Variants in PRMT8 observed in about 807,000 individuals in gnomAD.
The protein encoded by PRMT8 is protein arginine methyltransferase 8.
PRMT8 carries 7 observed loss-of-function variants against 47.1 expected under a neutral mutation model. That is an observed-to-expected ratio of 0.15 (90% CI 0.08 to 0.28). PRMT8 has a LOEUF of 0.28. Ranked by LOEUF, PRMT8 falls within the 10% of genes least tolerant of loss-of-function variation. The probability of loss-of-function intolerance (pLI) is 1.00; values close to 1 mark genes in which losing one functional copy is unlikely to be tolerated. For missense variants in PRMT8, 237 were observed against 505.4 expected, an observed-to-expected ratio of 0.47 and a Z score of 5.09; for synonymous variants, 188 against 186.5, an observed-to-expected ratio of 1.01 and a Z score of -0.07.
rs368258747 is a variant in PRMT8, at chr12:3,445,858, G to A, written c.48+64416G>A. ...GCAATGGTGGAGTAAACACCAAGGC[G>A]ATATTTACTGCGGTCAGCTGTGAGA... is the stretch of plus-strand genomic sequence containing the variant. On this transcript the variant is annotated intron_variant, in intron 1 of 9. Transcript: ENST00000452611. 2.4e-4 allele frequency among the ~76,000 whole-genome samples: 37 copies of A among 152,312 alleles called. 1 individual carries two copies. Among genetic ancestry groups the A allele is most frequent in the African/African-American group, 8.2e-4 (34 of 41,574 alleles).
chr12:3,539,255 G>A (rs999018723), intron 1 of PRMT8, among the ~76,000 whole-genome samples: 4 of 152,108 alleles, frequency 2.6e-5, no homozygotes, highest in African/African-American at 9.7e-5. Flanking sequence ...AATTTTTCAG[G>A]TAGGTTTTAT....
intron 3 of PRMT8, chr12:3,551,806 A>T (rs1416020238): frequency 6.6e-6 from 1 of 152,430 alleles, no homozygotes; most frequent in East Asian, 1.9e-4. Flanking sequence ...AGAGACAGAG[A>T]GAGAGGGAGG....
intron 1 of PRMT8, among the ~76,000 whole-genome samples, chr12:3,424,272 G>A (rs1487173846): frequency 6.6e-6 from 1 of 152,142 alleles, no homozygotes; most frequent in African/African-American, 2.4e-5. Flanking sequence ...AAGGGGATTG[G>A]TTATTACTAG....
chr12:3,531,033 C>G (rs1233466463), intron 1 of PRMT8, among the ~76,000 whole-genome samples: 2 of 152,122 alleles, frequency 1.3e-5, no homozygotes, highest in Non-Finnish European at 2.9e-5. Context: ...TGGCTGTGTG[C>G]CTACGAAGCG....
chr12:3,428,778 C>T (rs1241746360), intron 1 of PRMT8, among the ~76,000 whole-genome samples: 1 of 151,516 alleles, frequency 6.6e-6, no homozygotes, highest in Non-Finnish European at 1.5e-5. Flanking sequence ...CTTTCTCTCT[C>T]TCTCTCTTAC....
chr12:3,531,001 C>T (rs1272602837), intron 1 of PRMT8, among the ~76,000 whole-genome samples: 2 of 152,174 alleles, frequency 1.3e-5, no homozygotes, highest in African/African-American at 4.8e-5. Flanking sequence ...GAAGCAAGTC[C>T]AGAACCCACC....
rs1865455287 is a variant in PRMT8, at chr12:3,493,405, G to A, written c.75+1705G>A. 6.6e-6 allele frequency among the ~76,000 whole-genome samples: 1 copy of A among 152,060 alleles called. No individual in the cohort carries two copies. Among genetic ancestry groups the A allele is most frequent in the African/African-American group, 2.4e-5 (1 of 41,388 alleles). ...CGCTTCTGTGAAGTGTGGAGCGAGC[G>A]GGCACGTAGCGGTCTCTGCCAGGTG... On this transcript the variant is annotated intron_variant, in intron 1 of 9. Transcript: ENST00000382622. This position sits in a 1 kb window ranked among gnomAD's most constrained non-coding sequence, Gnocchi z 8.2.
intron 1 of PRMT8, among the ~76,000 whole-genome samples, chr12:3,506,333 A>G (rs1865623970): frequency 6.6e-6 from 1 of 152,340 alleles, no homozygotes; most frequent in African/African-American, 2.4e-5. Context: ...CCAACAGTAT[A>G]TGAAAGGAGA....
At chr12:3,490,416 G>T (rs1865367848), upstream of PRMT8, among the ~76,000 whole-genome samples, 1 of 152,010 alleles carries the variant, frequency 6.6e-6, no homozygotes, top group Non-Finnish European at 1.5e-5. Context: ...AGGATCAAGA[G>T]AATCCTGACG....
At chr12:3,551,801 CAGAG>C in intron 3 of PRMT8, 1 of 152,292 alleles carries the variant, frequency 6.6e-6, no homozygotes, top group South Asian at 2.1e-4. Context: ...GAGAGAGAGA[CAGAG>C]AGAGAGGGAG....
chr12:3,520,984 A>G (rs1865871923), intron 1 of PRMT8, among the ~76,000 whole-genome samples: 2 of 152,262 alleles, frequency 1.3e-5, no homozygotes, highest in Admixed American at 1.3e-4. Context: ...GAAACACTAT[A>G]GAAGCTTTAG....
rs1329081424 is a variant in PRMT8 at position 3,572,535 on chromosome 12, T to C, written c.712+2971T>C. ...CCTCATGCAGAGGTGGCAGTGCTTA[T>C]AGCTTGATGGTTGAAGGGCGGCCCT... On this transcript the variant is annotated intron_variant, in intron 6 of 9. Coordinates refer to ENST00000382622, the MANE Select transcript of PRMT8 (RefSeq NM_019854.5). This position sits in a 1 kb window ranked among gnomAD's most constrained non-coding sequence, Gnocchi z 5.9. 6.6e-6 allele frequency among the ~76,000 whole-genome samples: 1 copy of C among 152,196 alleles called. No homozygotes were observed. The highest frequency in any genetic ancestry group is 1.5e-5 in the Non-Finnish European group (1 of 68,032).
rs111232167 is a variant in PRMT8, at chr12:3,478,311, C to T, written c.49-62295C>T. On this transcript the variant is annotated intron_variant, in intron 1 of 9. Transcript: ENST00000452611. ...ATCTATCTATCTATCTATCTATCTA[C>T]CTACCTATCTATCTGTCTGTCTATC... Among the ~76,000 whole-genome samples the T allele has an allele frequency of 6.1e-5, 7 of 115,026 alleles. No individual in the cohort carries two copies. In the East Asian group the frequency reaches 1.0e-3, roughly 17 times the overall value. The allele number at this position is 115,026 out of a possible 152,430, so 75.5% of individuals were successfully genotyped here.
At chr12:3,532,861 C>T (rs1412724773) in intron 1 of PRMT8, among the ~76,000 whole-genome samples, 1 of 151,986 alleles carries the variant, frequency 6.6e-6, no homozygotes. Context: ...TTACCAGTCC[C>T]CAGGTGATGC....
chr12:3,531,862 GA>G (rs1866036423), intron 1 of PRMT8, among the ~76,000 whole-genome samples: 1 of 152,228 alleles, frequency 6.6e-6, no homozygotes, highest in African/African-American at 2.4e-5. Flanking sequence ...CCGGCTCTGG[GA>G]ATCTTGGTTG....
intron 1 of PRMT8, among the ~76,000 whole-genome samples, chr12:3,455,365 G>T (rs1864963226): frequency 6.6e-6 from 1 of 152,170 alleles, no homozygotes; most frequent in Non-Finnish European, 1.5e-5. Flanking sequence ...TCTAGCCTGG[G>T]CTTGGGGTGT....
intron 1 of PRMT8, among the ~76,000 whole-genome samples, chr12:3,410,597 C>T (rs1038104621): frequency 2.0e-5 from 3 of 152,234 alleles, no homozygotes; most frequent in Non-Finnish European, 2.9e-5. Context: ...CAACCTCCGT[C>T]TACTGGATTC....
chr12:3,540,625 A>G lies in PRMT8; in HGVS notation c.95A>G (p.Gln32Arg), dbSNP rs751921302. The change falls in exon 2 of 10, where the codon CAG becomes CGG. Residue 32 changes from glutamine (Q) to arginine (R), a missense_variant. Coordinates refer to ENST00000382622, the MANE Select transcript of PRMT8 (RefSeq NM_019854.5). ...CCTCAGGTGAACAGCCCCCCCTCCC[A>G]GCCCCCCCAGCCCGTCGTCCCTGCT... ...ESTEVNSPPS[Q>R]PPQPVVPAKP... is the part of the protein sequence containing the mutation. 112 of 348,742 alleles carry G rather than the reference A, an allele frequency of 3.2e-4. No homozygotes were observed. The highest frequency in any genetic ancestry group is 5.0e-4 in the Non-Finnish European group (103 of 204,930). 21.6% of individuals were successfully genotyped at this position (348,742 alleles called of 1,614,324 possible).
intron 1 of PRMT8, among the ~76,000 whole-genome samples, chr12:3,536,223 C>A (rs1460040538): frequency 6.6e-6 from 1 of 152,208 alleles, no homozygotes; most frequent in African/African-American, 2.4e-5. Context: ...GGATCACAGG[C>A]CACGGCTGCT....
Sources: allele counts gnomAD v4.1 joint callset (sites outside exome capture counted in the v4.1 genomes callset), GRCh38; gene constraint gnomAD v4.1.1; non-coding constraint Gnocchi (gnomAD v3.1); transcripts MANE v1.5; gene names NCBI Gene and HGNC (gene_info 2026-07-23, HGNC 2026-07-21).